The following DNMBP variants were observed in gnomAD, a reference collection of about 807,000 sequenced individuals.
DNMBP encodes dynamin-binding protein.
A neutral mutation model predicts 150.0 loss-of-function variants in DNMBP; 87 were observed. The observed-to-expected ratio is 0.58, with a 90% CI of 0.49 to 0.69. DNMBP has a LOEUF of 0.69. Ranked by LOEUF, DNMBP falls within the 30% of genes least tolerant of loss-of-function variation. The probability of loss-of-function intolerance (pLI) is 0.00; values close to 1 mark genes in which losing one functional copy is unlikely to be tolerated. For missense variants in DNMBP, 1,774 were observed against 1,949.0 expected, an observed-to-expected ratio of 0.91 and a Z score of 1.69; for synonymous variants, 711 against 750.4, an observed-to-expected ratio of 0.95 and a Z score of 0.86.
chr10:99,965,101 G>C lies in DNMBP; in HGVS notation c.268+4014C>G, dbSNP rs188947223. Among the ~76,000 whole-genome samples, 6 of 152,132 alleles carry C rather than the reference G, an allele frequency of 3.9e-5. No individual in the cohort carries two copies. The East Asian group carries it at 1.2e-3, about 29-fold the overall frequency. On this transcript the variant is annotated intron_variant, in intron 3 of 16. Transcript: ENST00000324109. Reference sequence around the variant, plus strand: ...CACATCAATGAAGCCCAGGCGCCCAGGTTAAGACTAATAAGAATAGCTAGC... The same window carrying C: ...CACATCAATGAAGCCCAGGCGCCCACGTTAAGACTAATAAGAATAGCTAGC...
chr10:99,955,999 G>C lies in DNMBP; in HGVS notation c.1475C>G (p.Pro492Arg), dbSNP rs767041991. Residue 492 changes from proline to arginine, a missense_variant, in exon 4 of 17, where the codon CCC becomes CGC. Physicochemically the swap from Pro to Arg is moderately radical, Grantham distance 103. This residue lies in a region of DNMBP where 1,430 missense variants were observed against 1,492.5 expected (regional missense o/e 0.96). Coordinates refer to ENST00000324109, the MANE Select transcript of DNMBP (RefSeq NM_015221.4). Reference protein sequence around the residue: ...SSVSASRVVKPRQSSPQLHNL... With the variant: ...SSVSASRVVKRRQSSPQLHNL... The stretch of plus-strand genomic sequence containing the variant: ...GTGGAGCTGAGGACTTGATTGTCTG[G>C]GTTTGACTACCCTTGAAGCTGAAAC... The C allele has an allele frequency of 6.2e-7, 1 of 1,614,158 alleles. No homozygotes were observed. The highest frequency in any genetic ancestry group is 8.5e-7 in the Non-Finnish European group (1 of 1,180,030).
chr10:99,898,625 C>A, intron 8 of DNMBP, 118 bp downstream of exon 8: 2 of 1,095,230 alleles, frequency 1.8e-6, no homozygotes, highest in Non-Finnish European at 2.7e-6. Context: ...GAAAACCCAG[C>A]AAGGTGAGTC....
intron 1 of DNMBP, among the ~76,000 whole-genome samples, chr10:100,005,168 A>C (rs2041054564): frequency 6.6e-6 from 1 of 152,186 alleles, no homozygotes; most frequent in Admixed American, 6.6e-5. Flanking sequence ...AGGCACAGAG[A>C]CTGGGGCAGC....
intron 4 of DNMBP, among the ~76,000 whole-genome samples, chr10:99,936,060 T>C (rs1435039474): frequency 2.0e-5 from 3 of 152,218 alleles, no homozygotes; most frequent in Non-Finnish European, 4.4e-5. Context: ...ATTTTAACTA[T>C]AAAAGTATAG....
At chr10:99,983,372 C>T (rs1393703709) in intron 1 of DNMBP, among the ~76,000 whole-genome samples, 3 of 152,018 alleles carry the variant, frequency 2.0e-5, no homozygotes, top group African/African-American at 4.8e-5. Flanking sequence ...CATGAAAGGA[C>T]GAGAGGTGTC....
chr10:99,877,922 G>C (rs2039302383), intron 16 of DNMBP, among the ~76,000 whole-genome samples: 2 of 152,072 alleles, frequency 1.3e-5, no homozygotes, highest in African/African-American at 4.8e-5. Flanking sequence ...AGGAGTTTCA[G>C]ACCAGCTGGT....
intron 1 of DNMBP, among the ~76,000 whole-genome samples, chr10:100,007,836 C>A (rs1323777064): frequency 6.6e-6 from 1 of 152,220 alleles, no homozygotes; most frequent in African/African-American, 2.4e-5. Context: ...ACCAACAAGA[C>A]TAAGTTAACC....
intron 4 of DNMBP, among the ~76,000 whole-genome samples, chr10:99,912,348 T>C (rs1365708702): frequency 6.6e-6 from 1 of 152,146 alleles, no homozygotes; most frequent in Admixed American, 6.6e-5. Flanking sequence ...CTAATTATAG[T>C]AGTTGAAAAC....
At chr10:99,911,209 C>A (rs1589413462) in intron 4 of DNMBP, among the ~76,000 whole-genome samples, 2 of 151,938 alleles carry the variant, frequency 1.3e-5, no homozygotes, top group East Asian at 3.9e-4. Context: ...CCACTGCACT[C>A]CAGCCTGAGT....
intron 16 of DNMBP, 68 bp from the exon 17 acceptor site, chr10:99,877,404 G>A (rs2256276): frequency 0.054 from 72,236 of 1,337,872 alleles, 3,501 homozygotes; most frequent in African/African-American, 0.25. Flanking sequence ...TTCGTGCGGT[G>A]TTGGGGAGGG....
In DNMBP at chr10:99,909,090, A is replaced by C; in HGVS notation, c.2317T>G (p.Ser773Ala). Reference sequence around the variant, plus strand: ...ATCCTCTGCTCTGGATTTTCGGCAGACACAGACCCAGAAGGGGCCACCAGT... The same window carrying C: ...ATCCTCTGCTCTGGATTTTCGGCAGCCACAGACCCAGAAGGGGCCACCAGT... ...SSLVAPSGSV[S>A]AENPEQRMLE... Residue 773 changes from serine (S) to alanine (A), a missense_variant, in exon 5 of 17, where the codon TCT becomes GCT. Physicochemically the swap from Ser to Ala is moderately conservative, Grantham distance 99. This residue lies in a region of DNMBP where 1,430 missense variants were observed against 1,492.5 expected (regional missense o/e 0.96). Transcript: ENST00000324109. 6.2e-7 allele frequency: 1 copy of C among 1,614,196 alleles called. No individual in the cohort carries two copies. The highest frequency in any genetic ancestry group is 1.1e-5 in the South Asian group (1 of 91,084).
At position 100,005,786 on chromosome 10, in the gene DNMBP, C is replaced by CAAAAA. The variant is rs1589458237; in HGVS notation, c.-11+4051_-11+4052insTTTTT. 1.2e-3 allele frequency among the ~76,000 whole-genome samples: 118 copies of CAAAAA among 101,018 alleles called. 3 individuals carry two copies. The highest frequency in any genetic ancestry group is 5.4e-3 in the African/African-American group (111 of 20,612). 66.3% of individuals were successfully genotyped at this position (101,018 alleles called of 152,430 possible). A position where few individuals can be genotyped will look rare whatever the true frequency, so the allele number is the denominator to read the frequency against. Reference sequence around the variant, plus strand: ...CTCCAAAAAAAAAAAAAAAAAAAACCAAACTACATAAAGGAAAATGAATTA... The same window carrying CAAAAA: ...CTCCAAAAAAAAAAAAAAAAAAAACCAAAAAAAACTACATAAAGGAAAATGAATTA... On this transcript the variant is annotated intron_variant, in intron 1 of 16. Transcript: ENST00000324109.
chr10:99,958,440 C>T (rs2133336163), intron 3 of DNMBP: 2 of 152,284 alleles, frequency 1.3e-5, no homozygotes, highest in East Asian at 3.9e-4. Context: ...CACATAACAC[C>T]ATTTTATGTG....
chr10:99,983,797 C>T (rs1017752960), intron 1 of DNMBP, among the ~76,000 whole-genome samples: 2 of 152,216 alleles, frequency 1.3e-5, no homozygotes, highest in African/African-American at 2.4e-5. Context: ...CTGTCCTATA[C>T]CGTCTGAAAC....
intron 12 of DNMBP, 91 bp downstream of exon 12, chr10:99,888,733 AG>A: frequency 6.7e-7 from 1 of 1,482,006 alleles, no homozygotes; most frequent in East Asian, 2.3e-5. Flanking sequence ...CCTGGTGCCC[AG>A]GGCCTGTGTC....
chr10:99,904,903 TG>T (rs2039802974), intron 6 of DNMBP, among the ~76,000 whole-genome samples: 1 of 152,238 alleles, frequency 6.6e-6, no homozygotes, highest in Non-Finnish European at 1.5e-5. Flanking sequence ...CTCTCATTTC[TG>T]ATTTGAATCA....
chr10:99,953,985 G>A (rs1469636662), intron 4 of DNMBP, among the ~76,000 whole-genome samples: 1 of 151,930 alleles, frequency 6.6e-6, no homozygotes, highest in Non-Finnish European at 1.5e-5. Flanking sequence ...TGCCATAGCA[G>A]AATAAGAGAC....
At chr10:99,946,523 T>C (rs1240283070) in intron 4 of DNMBP, among the ~76,000 whole-genome samples, 1 of 152,202 alleles carries the variant, frequency 6.6e-6, no homozygotes, top group Non-Finnish European at 1.5e-5. Flanking sequence ...AAGAATTCTC[T>C]ATACAATAAA....
intron 1 of DNMBP, among the ~76,000 whole-genome samples, chr10:99,975,059 C>T (rs2040714658): frequency 1.3e-5 from 2 of 152,172 alleles, no homozygotes; most frequent in Non-Finnish European, 2.9e-5. Flanking sequence ...CATACCTGAC[C>T]TCTGTTAATT....
Sources: gnomAD v4.1 joint callset for allele counts (sites outside exome capture counted in the v4.1 genomes callset) on GRCh38, gnomAD v4.1.1 for gene constraint, gnomAD v4.1.1 regional missense constraint, MANE v1.5 for transcripts, NCBI Gene and HGNC (gene_info 2026-07-23, HGNC 2026-07-21) for gene names.